Variants in SGMS2 observed in about 807,000 individuals in gnomAD.
SGMS2 encodes the protein sphingomyelin synthase 2.
SGMS2 carries 21 observed loss-of-function variants against 43.8 expected under a neutral mutation model. That is an observed-to-expected ratio of 0.48 (90% CI 0.34 to 0.69). The LOEUF (loss-of-function observed/expected upper bound fraction) is 0.69, where lower values mean the gene tolerates loss of function less well. SGMS2 is among the 30% of genes least tolerant of loss of function. The pLI is 0.01. For missense variants in SGMS2, 384 were observed against 443.2 expected (o/e 0.87, Z 1.20); for synonymous variants, 167 against 160.6 (o/e 1.04, Z -0.30).
chr4:107,905,880 T>TC (rs1032731264), intron 5 of SGMS2, among the ~76,000 whole-genome samples: 5 of 152,214 alleles, frequency 3.3e-5, no homozygotes, highest in Non-Finnish European at 7.3e-5. Flanking sequence ...AGACATTTTT[T>TC]CCCAAGACAT....
At chr4:107,838,852 G>A (rs144401456) in intron 1 of SGMS2, among the ~76,000 whole-genome samples, 6 of 152,180 alleles carry the variant, frequency 3.9e-5, no homozygotes, top group African/African-American at 4.8e-5. Flanking sequence ...AAGAGCCCAG[G>A]TTTCCTGTTT....
intron 2 of SGMS2, among the ~76,000 whole-genome samples, chr4:107,883,871 A>G (rs1351351654): frequency 1.3e-5 from 2 of 152,236 alleles, no homozygotes; most frequent in Non-Finnish European, 2.9e-5. Context: ...TGCACTGTCT[A>G]CAAATAATTA....
chr4:107,914,975 A>T lies in SGMS2; in HGVS notation c.*4422A>T, dbSNP rs1165645917. 1 of 152,156 alleles carries T rather than the reference A, an allele frequency of 6.6e-6. No individual in the cohort carries two copies. Among genetic ancestry groups the T allele is most frequent in the Non-Finnish European group, 1.5e-5 (1 of 68,012 alleles). 9.4% of individuals were successfully genotyped at this position (152,156 alleles called of 1,614,324 possible). On this transcript the variant is annotated 3_prime_UTR_variant, in exon 7 of 7. Transcript: ENST00000690982. ...TCTAATCTCTTTGGTTTTGCTTTTT[A>T]AAAAATGCAAGAGCCTATACTTTGT...
rs1403454263 is a variant in SGMS2, at chr4:107,890,709, GA to G, written c.-244-4595del. On this transcript the variant is annotated intron_variant, in intron 2 of 6. Transcript: ENST00000690982. ...AAAAAAAAGACAAGGTCCTGGGGGAGAAAAAAGGAATAAAAACATGAAGGCC... is the reference window on the plus strand; with the variant it reads ...AAAAAAAAGACAAGGTCCTGGGGGAGAAAAAGGAATAAAAACATGAAGGCC... 2.0e-5 allele frequency among the ~76,000 whole-genome samples: 3 copies of G among 150,502 alleles called. No homozygotes were observed. In the East Asian group the frequency reaches 5.9e-4, roughly 29 times the overall value.
intron 1 of SGMS2, among the ~76,000 whole-genome samples, chr4:107,853,926 T>C (rs1235357738): frequency 6.6e-6 from 1 of 152,242 alleles, no homozygotes; most frequent in Non-Finnish European, 1.5e-5. Flanking sequence ...GAGTTAGTTA[T>C]AAATGCCATC....
Position 107,895,961 on chromosome 4 carries a change from T to C in SGMS2, c.408T>C (p.Ile136=), listed in dbSNP as rs1730631388. The change falls in exon 3 of 7, where the codon ATT becomes ATC. Residue 136 remains isoleucine (I), a synonymous_variant. Coordinates refer to ENST00000690982, the MANE Select transcript of SGMS2 (RefSeq NM_001375905.1). The part of the protein sequence containing the change: ...WAFSVSEING[I]ILVGLWITQW... ...TTTCTGTATCAGAAATAAATGGGAT[T>C]ATATTAGTTGGATTATGGATCACCC... 1 of 1,613,860 alleles carries C rather than the reference T, an allele frequency of 6.2e-7. No homozygotes were observed. Among genetic ancestry groups the C allele is most frequent in the African/African-American group, 1.3e-5 (1 of 75,032 alleles).
chr4:107,839,516 G>A (rs1726386105), intron 1 of SGMS2, among the ~76,000 whole-genome samples: 1 of 152,118 alleles, frequency 6.6e-6, no homozygotes, highest in African/African-American at 2.4e-5. Context: ...TTTAAGTGGA[G>A]GGGTAGAAGC....
intron 1 of SGMS2, among the ~76,000 whole-genome samples, chr4:107,856,263 A>G (rs949224483): frequency 7.9e-5 from 12 of 152,228 alleles, no homozygotes; most frequent in Non-Finnish European, 1.6e-4. Context: ...ATAAGATACT[A>G]TTTAAAATGA....
chr4:107,865,285 A>T (rs972303943), intron 2 of SGMS2, among the ~76,000 whole-genome samples: 1 of 152,324 alleles, frequency 6.6e-6, no homozygotes. Context: ...AAAAATACAC[A>T]ATCTGGGATT....
At chr4:107,825,912 T>C (rs887891518) in intron 1 of SGMS2, among the ~76,000 whole-genome samples, 4 of 152,206 alleles carry the variant, frequency 2.6e-5, no homozygotes, top group Admixed American at 2.6e-4. Context: ...ATTTCAAGTC[T>C]TGCCTGCTCT....
intron 2 of SGMS2, chr4:107,886,627 G>C (rs536169609): frequency 1.3e-5 from 2 of 152,080 alleles, no homozygotes; most frequent in East Asian, 3.9e-4. Flanking sequence ...ATAAAGCTTG[G>C]AGCTCCTAGG....
intron 1 of SGMS2, among the ~76,000 whole-genome samples, chr4:107,838,044 G>C (rs1456569594): frequency 1.3e-5 from 2 of 152,054 alleles, no homozygotes; most frequent in African/African-American, 4.8e-5. Flanking sequence ...GTATAGAAGT[G>C]ATATATAAAG....
At chr4:107,866,469 G>A (rs1448114691) in intron 2 of SGMS2, among the ~76,000 whole-genome samples, 1 of 152,032 alleles carries the variant, frequency 6.6e-6, no homozygotes, top group East Asian at 1.9e-4. Flanking sequence ...AGGAGGCTGA[G>A]GCAGGAGAAT....
intron 1 of SGMS2, among the ~76,000 whole-genome samples, chr4:107,845,206 G>C (rs1466584246): frequency 2.0e-5 from 3 of 152,182 alleles, no homozygotes; most frequent in Non-Finnish European, 2.9e-5. Context: ...GTAGCATCCT[G>C]CAAGAGGCAT....
intron 2 of SGMS2, among the ~76,000 whole-genome samples, chr4:107,865,271 A>G (rs192991935): frequency 6.6e-6 from 1 of 152,348 alleles, no homozygotes. Context: ...TCTGCAACCC[A>G]GAAAAAAATA....
At chr4:107,827,204 C>A (rs1725641900) in intron 1 of SGMS2, among the ~76,000 whole-genome samples, 1 of 152,166 alleles carries the variant, frequency 6.6e-6, no homozygotes, top group Non-Finnish European at 1.5e-5. Flanking sequence ...ACTTACCCAC[C>A]TTTAGCGTGT....
chr4:107,849,003 T>C (rs1055377682), intron 1 of SGMS2, among the ~76,000 whole-genome samples: 2 of 152,192 alleles, frequency 1.3e-5, no homozygotes, highest in Non-Finnish European at 2.9e-5. Flanking sequence ...TATGTTATCT[T>C]ATAAATTAGT....
intron 1 of SGMS2, among the ~76,000 whole-genome samples, chr4:107,849,191 A>G (rs1726998413): frequency 6.6e-6 from 1 of 152,052 alleles, no homozygotes; most frequent in South Asian, 2.1e-4. Flanking sequence ...ATGAAGTTTC[A>G]TAGAATAGAG....
chr4:107,835,977 G>T (rs868372962), intron 1 of SGMS2, among the ~76,000 whole-genome samples: 2 of 152,108 alleles, frequency 1.3e-5, no homozygotes, highest in Non-Finnish European at 2.9e-5. Flanking sequence ...TTGAGTTTTC[G>T]AACAGCCACA....
Sources: allele counts gnomAD v4.1 joint callset (sites outside exome capture counted in the v4.1 genomes callset), GRCh38; gene constraint gnomAD v4.1.1; transcripts MANE v1.5; gene names NCBI Gene and HGNC (gene_info 2026-07-23, HGNC 2026-07-21).